The following PTPRF variants were observed in gnomAD, a reference collection of about 807,000 sequenced individuals.
PTPRF encodes the protein protein tyrosine phosphatase receptor type F.
A neutral mutation model predicts 201.8 loss-of-function variants in PTPRF; 59 were observed. The observed-to-expected ratio is 0.29, with a 90% CI of 0.24 to 0.36. PTPRF has a LOEUF of 0.36. Ranked by LOEUF, PTPRF falls within the 10% of genes least tolerant of loss-of-function variation. PTPRF has a pLI of 1.00. For missense variants in PTPRF, 2,132 were observed against 2,690.5 expected (o/e 0.79, Z 4.59); for synonymous variants, 1,088 against 1,089.7 (o/e 1.00, Z 0.03).
At chr1:43,592,403 CTG>C in intron 10 of PTPRF, 52 bp from the exon 11 acceptor site, 1 of 1,559,276 alleles carries the variant, frequency 6.4e-7, no homozygotes, top group Non-Finnish European at 8.7e-7. Flanking sequence ...GGGGAACAAC[CTG>C]TGAGTGACTT....
intron 29 of PTPRF, 62 bp downstream of exon 29, chr1:43,619,920 T>TG (rs1426532434): frequency 1.3e-6 from 2 of 1,587,036 alleles, no homozygotes; most frequent in Non-Finnish European, 1.7e-6. Flanking sequence ...GCCTGGCTGG[T>TG]GGGGGTGGGC....
chr1:43,619,430 T>A lies in PTPRF; in HGVS notation c.4789T>A (p.Tyr1597Asn). Residue 1597 changes from tyrosine to asparagine, a missense_variant, in exon 28 of 34, where the codon TAC becomes AAC. Physicochemically the swap from Tyr to Asn is moderately radical, Grantham distance 143 (BLOSUM62 -2). This residue lies in a region of PTPRF where 519 missense variants were observed against 659.5 expected (regional missense o/e 0.79). Transcript: ENST00000359947. ...CTACATGGTGCAGACGGAGGACCAG[T>A]ACGTGTTCATCCATGAGGCGCTGCT... ...RNYMVQTEDQ[Y>N]VFIHEALLEA... 1 of 1,614,144 alleles carries A rather than the reference T, an allele frequency of 6.2e-7. No individual in the cohort carries two copies. The highest frequency in any genetic ancestry group is 8.5e-7 in the Non-Finnish European group (1 of 1,180,042).
intron 19 of PTPRF, 37 bp downstream of exon 19, chr1:43,605,659 T>C: frequency 6.3e-7 from 1 of 1,583,356 alleles, no homozygotes; most frequent in Non-Finnish European, 8.7e-7. Flanking sequence ...GACAGCCCCA[T>C]TGCAGTGGTC....
upstream of PTPRF, among the ~76,000 whole-genome samples, chr1:43,522,311 T>C (rs1642978038): frequency 1.3e-5 from 2 of 152,182 alleles, no homozygotes; most frequent in Non-Finnish European, 2.9e-5. Context: ...GTGAGCCTAA[T>C]AGAGGAAATG....
At chr1:43,619,929 G>T (rs1477111283) in intron 29 of PTPRF, 71 bp downstream of exon 29, 3 of 1,579,848 alleles carry the variant, frequency 1.9e-6, no homozygotes, top group Non-Finnish European at 2.6e-6. Context: ...GTGGGGGTGG[G>T]CAGCAGAGTA....
chr1:43,569,452 T>C, intron 5 of PTPRF, 138 bp from the exon 6 acceptor site: 1 of 866,564 alleles, frequency 1.2e-6, no homozygotes, highest in Non-Finnish European at 1.8e-6. Flanking sequence ...CGGGGTATGC[T>C]TCATGCTTAG....
At chr1:43,541,092 C>T (rs1008825420) in intron 2 of PTPRF, among the ~76,000 whole-genome samples, 1 of 152,244 alleles carries the variant, frequency 6.6e-6, no homozygotes, top group Non-Finnish European at 1.5e-5. Context: ...AAGTGCTGGC[C>T]TTTCCTCTTG....
chr1:43,584,337 G>A (rs1162033006), intron 7 of PTPRF, among the ~76,000 whole-genome samples: 18 of 152,210 alleles, frequency 1.2e-4, no homozygotes, highest in Non-Finnish European at 2.4e-4. Flanking sequence ...GGAGCCGGTC[G>A]AGAGGAGGGC....
chr1:43,529,398 G>GGGC (rs1643263951), upstream of PTPRF, among the ~76,000 whole-genome samples: 1 of 152,142 alleles, frequency 6.6e-6, no homozygotes, highest in East Asian at 1.9e-4. Flanking sequence ...CCAGATCCCT[G>GGGC]AACACCACAG....
intron 6 of PTPRF, among the ~76,000 whole-genome samples, chr1:43,570,404 C>A (rs1646488420): frequency 6.6e-6 from 1 of 152,256 alleles, no homozygotes; most frequent in African/African-American, 2.4e-5. Flanking sequence ...TTTGTGGGAA[C>A]AGAGCAGGCG....
Position 43,605,629 on chromosome 1 carries a change from G to A in PTPRF, c.3483+7G>A. The A allele has an allele frequency of 6.2e-7, 1 of 1,613,664 alleles. No individual in the cohort carries two copies. The highest frequency in any genetic ancestry group is 8.5e-7 in the Non-Finnish European group (1 of 1,179,696). On this transcript the variant is annotated splice_region_variant and intron_variant, in intron 19 of 33. Coordinates refer to ENST00000359947, the MANE Select transcript of PTPRF (RefSeq NM_002840.5). ...GGAACTGGAGCTGGACGAGGTACCT[G>A]GGGAGGGGATGGGGACACTGACAGC...
chr1:43,617,274 A>T (rs964993207), intron 23 of PTPRF, among the ~76,000 whole-genome samples, 171 bp from the exon 24 acceptor site: 21 of 151,996 alleles, frequency 1.4e-4, no homozygotes, highest in African/African-American at 3.6e-4. Flanking sequence ...CTGATAGGTG[A>T]TGTGGCAACC....
At chr1:43,563,785 T>C (rs1007079518) in intron 5 of PTPRF, among the ~76,000 whole-genome samples, 1 of 151,292 alleles carries the variant, frequency 6.6e-6, no homozygotes, top group Non-Finnish European at 1.5e-5. Context: ...ACCTAGGGAG[T>C]GAATGGATGA....
At chr1:43,529,773 G>A (rs1643292917), upstream of PTPRF, among the ~76,000 whole-genome samples, 1 of 152,158 alleles carries the variant, frequency 6.6e-6, no homozygotes, top group African/African-American at 2.4e-5. Flanking sequence ...CTGATCAGTA[G>A]GTCTTGGAAT....
chr1:43,597,930 C>A lies in PTPRF; in HGVS notation c.1996C>A (p.His666Asn). The A allele has an allele frequency of 6.3e-7, 1 of 1,592,574 alleles. No homozygotes were observed. Among genetic ancestry groups the A allele is most frequent in the Non-Finnish European group, 8.5e-7 (1 of 1,169,672 alleles). The part of the protein sequence containing the change: ...RHVVDGISRE[H>N]SSWDLVGLEK... Reference sequence around the variant, plus strand: ...TGTGGTGGATGGCATCAGCCGTGAGCACTCCAGCTGGGACCTGGTGGGCCT... The same window carrying A: ...TGTGGTGGATGGCATCAGCCGTGAGAACTCCAGCTGGGACCTGGTGGGCCT... Residue 666 changes from histidine (H) to asparagine (N), a missense_variant, in exon 12 of 34, where the codon CAC becomes AAC. Around this residue, in one of 6 missense-constraint regions of PTPRF, gnomAD observed 125 missense variants for 211.9 expected, o/e 0.59. Transcript: ENST00000359947.
chr1:43,592,004 A>G, intron 10 of PTPRF, 56 bp downstream of exon 10: 1 of 1,604,288 alleles, frequency 6.2e-7, no homozygotes. Context: ...AGGGTCTGTG[A>G]TGGGCTTAAC....
intron 3 of PTPRF, among the ~76,000 whole-genome samples, chr1:43,551,281 G>A (rs1461983676): frequency 2.6e-5 from 4 of 151,890 alleles, no homozygotes; most frequent in African/African-American, 7.3e-5. Flanking sequence ...AAGAGTGCAC[G>A]GTATGGGGGT....
chr1:43,586,857 G>A (rs1278167660), intron 7 of PTPRF, among the ~76,000 whole-genome samples: 1 of 152,240 alleles, frequency 6.6e-6, no homozygotes, highest in Admixed American at 6.5e-5. Flanking sequence ...AATAGTTTCT[G>A]CGGAAGTCCA....
intron 11 of PTPRF, among the ~76,000 whole-genome samples, chr1:43,595,293 C>G (rs764582160): frequency 6.6e-6 from 1 of 152,204 alleles, no homozygotes; most frequent in Non-Finnish European, 1.5e-5. Flanking sequence ...TCACTGCAAC[C>G]TCCGTCCACC....
Sources: gnomAD v4.1 joint callset for allele counts (sites outside exome capture counted in the v4.1 genomes callset) on GRCh38, gnomAD v4.1.1 for gene constraint, gnomAD v4.1.1 regional missense constraint, MANE v1.5 for transcripts, NCBI Gene and HGNC (gene_info 2026-07-23, HGNC 2026-07-21) for gene names.